The following RPH3A variants were observed in gnomAD, a reference collection of about 807,000 sequenced individuals.
The protein encoded by RPH3A is rabphilin-3A.
RPH3A carries 48 observed loss-of-function variants against 102.2 expected under a neutral mutation model. That is an observed-to-expected ratio of 0.47 (90% CI 0.37 to 0.60). The LOEUF (loss-of-function observed/expected upper bound fraction) is 0.60. Ranked by LOEUF, RPH3A falls within the 20% of genes least tolerant of loss-of-function variation. The pLI, the probability that RPH3A is intolerant of heterozygous loss-of-function variation, is 0.00. For missense variants in RPH3A, 781 were observed against 910.1 expected (o/e 0.86, Z 1.83); for synonymous variants, 310 against 324.3 (o/e 0.96, Z 0.47).
chr12:112,811,538 C>CA (rs144884102), intron 2 of RPH3A, among the ~76,000 whole-genome samples: 11,597 of 148,746 alleles, frequency 0.078, 567 homozygotes, highest in East Asian at 0.23. Flanking sequence ...ACCCCCCCCC[C>CA]AAAAAAAAGA....
chr12:112,804,042 T>A (rs115088685), intron 2 of RPH3A, among the ~76,000 whole-genome samples: 3,701 of 152,308 alleles, frequency 0.024, 134 homozygotes, highest in African/African-American at 0.083. Flanking sequence ...TGAATTTTTT[T>A]AAAAAAATTA....
chr12:112,842,531 G>A (rs371919803), intron 4 of RPH3A, among the ~76,000 whole-genome samples: 151 of 152,252 alleles, frequency 9.9e-4, no homozygotes, highest in African/African-American at 3.1e-3. Flanking sequence ...CTACTCCTGC[G>A]TCCCCTCTCT....
chr12:112,730,362 C>T (rs2040623875), intron 1 of RPH3A, among the ~76,000 whole-genome samples: 1 of 152,218 alleles, frequency 6.6e-6, no homozygotes, highest in Admixed American at 6.5e-5. Flanking sequence ...GCTGTTAGCC[C>T]CATCAGGGGT....
At chr12:112,652,726 TC>T (rs1169144996) in intron 1 of RPH3A, among the ~76,000 whole-genome samples, 1 of 152,242 alleles carries the variant, frequency 6.6e-6, no homozygotes, top group Non-Finnish European at 1.5e-5. Flanking sequence ...TCAACAATAT[TC>T]CCTGATTGCT....
intron 1 of RPH3A, among the ~76,000 whole-genome samples, chr12:112,676,748 G>A (rs184875547): frequency 2.0e-5 from 3 of 151,740 alleles, no homozygotes; most frequent in East Asian, 1.9e-4. Flanking sequence ...AGAGCACACC[G>A]TAGGCAGTGC....
intron 3 of RPH3A, among the ~76,000 whole-genome samples, chr12:112,830,256 A>T (rs1432624663): frequency 3.3e-5 from 5 of 152,142 alleles, no homozygotes; most frequent in Non-Finnish European, 7.4e-5. Flanking sequence ...TATGTATTTT[A>T]AAATTTCTCT....
At chr12:112,812,459 A>C (rs1045065105) in intron 2 of RPH3A, among the ~76,000 whole-genome samples, 3 of 152,230 alleles carry the variant, frequency 2.0e-5, no homozygotes, top group Admixed American at 6.5e-5. Context: ...GGATTGAAGA[A>C]GGCATTACAG....
At chr12:112,592,473 C>A (rs2039486130) in intron 1 of RPH3A, among the ~76,000 whole-genome samples, 1 of 152,104 alleles carries the variant, frequency 6.6e-6, no homozygotes, top group Non-Finnish European at 1.5e-5. Context: ...CACACGCCAC[C>A]ATGCCTGGTT....
At position 112,880,451 on chromosome 12, in the gene RPH3A, C is replaced by A. The variant is rs534078893; in HGVS notation, c.1251+1253C>A. On this transcript the variant is annotated intron_variant, in intron 14 of 21. Transcript: ENST00000389385. ...AGGGATTCTTATTAGCCCCATTGTACAGATGGGGAAACAGGCTTAGAAAGT... is the reference window on the plus strand; with the variant it reads ...AGGGATTCTTATTAGCCCCATTGTAAAGATGGGGAAACAGGCTTAGAAAGT... Among the ~76,000 whole-genome samples, 3 of 152,278 alleles carry A rather than the reference C, an allele frequency of 2.0e-5. No individual in the cohort carries two copies. In the South Asian group the frequency reaches 6.2e-4, roughly 32 times the overall value.
chr12:112,647,458 G>T (rs898552512), intron 1 of RPH3A, among the ~76,000 whole-genome samples: 1 of 152,196 alleles, frequency 6.6e-6, no homozygotes, highest in Non-Finnish European at 1.5e-5. Context: ...TATTCTTGAT[G>T]CTGGAGACAG....
At chr12:112,862,030 A>G (rs1366951542) in intron 5 of RPH3A, among the ~76,000 whole-genome samples, 1 of 151,786 alleles carries the variant, frequency 6.6e-6, no homozygotes, top group Admixed American at 6.6e-5. Flanking sequence ...AAAAAAAAAA[A>G]AAAAGGATAT....
At chr12:112,796,857 C>G (rs2136095903) in intron 2 of RPH3A, among the ~76,000 whole-genome samples, 1 of 152,258 alleles carries the variant, frequency 6.6e-6, no homozygotes, top group South Asian at 2.1e-4. Flanking sequence ...CAAGACCAGC[C>G]TGGTCAACAT....
intron 1 of RPH3A, among the ~76,000 whole-genome samples, chr12:112,612,581 T>C (rs79764640): frequency 9.5e-5 from 14 of 147,854 alleles, no homozygotes; most frequent in Non-Finnish European, 1.8e-4. Context: ...TTTTTTTTTT[T>C]TGAGACAGGG....
At position 112,791,902 on chromosome 12, in the gene RPH3A, G is replaced by GAGAGAGAGAGAGAGAGAGAGAGAGAC. The variant is rs1372107619; in HGVS notation, c.-247_-246insGAGAGAGAGAGAGAGAGAGAGACAGA. On this transcript the variant is annotated 5_prime_UTR_variant, in exon 1 of 22. Transcript: ENST00000389385. ...AGAGAGAGAGAGAGAGAGAGAGAGAGAGACTCACAGAGCTAAAACCTTCAT... is the reference window on the plus strand; with the variant it reads ...AGAGAGAGAGAGAGAGAGAGAGAGAGAGAGAGAGAGAGAGAGAGAGAGAGACAGACTCACAGAGCTAAAACCTTCAT... 6.6e-6 allele frequency: 1 copy of GAGAGAGAGAGAGAGAGAGAGAGAGAC among 150,880 alleles called. No homozygotes were observed. Among genetic ancestry groups the GAGAGAGAGAGAGAGAGAGAGAGAGAC allele is most frequent in the African/African-American group, 2.5e-5 (1 of 40,568 alleles). 9.3% of individuals were successfully genotyped at this position (150,880 alleles called of 1,614,324 possible).
chr12:112,848,424 G>T (rs550225900), intron 5 of RPH3A, among the ~76,000 whole-genome samples: 7 of 152,290 alleles, frequency 4.6e-5, no homozygotes, highest in Admixed American at 2.0e-4. Context: ...TTAACCTGAT[G>T]GGTCCAGACT....
chr12:112,683,090 C>T (rs1420578087), intron 1 of RPH3A, among the ~76,000 whole-genome samples: 1 of 152,116 alleles, frequency 6.6e-6, no homozygotes, highest in Non-Finnish European at 1.5e-5. Flanking sequence ...TCTTATCTGT[C>T]TTATTTAGTT....
At chr12:112,650,256 G>T (rs767022068) in intron 1 of RPH3A, among the ~76,000 whole-genome samples, 11 of 152,204 alleles carry the variant, frequency 7.2e-5, no homozygotes, top group Non-Finnish European at 1.6e-4. Flanking sequence ...GGACATTGAG[G>T]TGTAGATGTG....
chr12:112,871,584 C>A lies in RPH3A; in HGVS notation c.796+1545C>A, dbSNP rs537810845. On this transcript the variant is annotated intron_variant, in intron 10 of 21. Transcript: ENST00000389385. ...CAATATTTTTGTGTGAAAAACCAGA[C>A]CTTGACGGTGACTTTGAGCAGTAGG... is the stretch of plus-strand genomic sequence containing the variant. Among the ~76,000 whole-genome samples the A allele has an allele frequency of 3.3e-4, 50 of 152,016 alleles. 1 individual carries two copies. Among genetic ancestry groups the A allele is most frequent in the Non-Finnish European group, 3.8e-4 (26 of 68,008 alleles).
chr12:112,741,353 T>C (rs2040708153), intron 1 of RPH3A, among the ~76,000 whole-genome samples: 1 of 152,208 alleles, frequency 6.6e-6, no homozygotes, highest in African/African-American at 2.4e-5. Context: ...TTCTCTCATT[T>C]TGGATTGCTC....
Sources: allele counts gnomAD v4.1 joint callset (sites outside exome capture counted in the v4.1 genomes callset), GRCh38; gene constraint gnomAD v4.1.1; transcripts MANE v1.5; gene names NCBI Gene and HGNC (gene_info 2026-07-23, HGNC 2026-07-21).